The following AGBL1 variants were observed in gnomAD, a reference collection of about 807,000 sequenced individuals.
The protein encoded by AGBL1 is AGBL carboxypeptidase 1.
In AGBL1, 130 loss-of-function variants were observed where a neutral mutation model predicts 118.9. The observed-to-expected ratio is 1.09, with a 90% CI of 0.95 to 1.26. The LOEUF is 1.26. AGBL1 is among the 50% of genes most tolerant of loss of function. AGBL1 has a pLI of 0.00. For synonymous variants in AGBL1, 555 were observed against 478.9 expected (o/e 1.16, Z -2.08); for missense variants, 1,584 against 1,298.1 (o/e 1.22, Z -3.38).
chr15:87,000,416 G>T (rs2081424129), intron 24 of AGBL1, among the ~76,000 whole-genome samples: 1 of 130,920 alleles, frequency 7.6e-6, no homozygotes, highest in Non-Finnish European at 1.6e-5. Flanking sequence ...AAGGTGTAAG[G>T]AAGGGATCCA....
intron 21 of AGBL1, among the ~76,000 whole-genome samples, chr15:86,565,186 C>A (rs1315041301): frequency 6.6e-6 from 1 of 152,236 alleles, no homozygotes; most frequent in African/African-American, 2.4e-5. Flanking sequence ...AGCTGCGTTC[C>A]TTTGGAGGGG....
intron 24 of AGBL1, among the ~76,000 whole-genome samples, chr15:87,013,383 T>C (rs1270834756): frequency 6.6e-6 from 1 of 152,210 alleles, no homozygotes; most frequent in Admixed American, 6.5e-5. Context: ...GCTTTAAAGC[T>C]GTGTGCTCAC....
intron 21 of AGBL1, among the ~76,000 whole-genome samples, chr15:86,672,748 A>G (rs980867359): frequency 6.6e-6 from 1 of 152,188 alleles, no homozygotes; most frequent in Non-Finnish European, 1.5e-5. Context: ...TTAAGAAAAA[A>G]ACAACTTGTT....
At position 86,526,573 on chromosome 15, in the gene AGBL1, T is replaced by TATATATACAC. The variant is rs1415307184; in HGVS notation, c.2685+3635_2685+3636insTATATACACA. On this transcript the variant is annotated intron_variant, in intron 19 of 22. Transcript: ENST00000614907. ...ATATATATATATATATATATATATATACACACAGAGTATATATATGTATAT... is the reference window on the plus strand; with the variant it reads ...ATATATATATATATATATATATATATATATATACACACACACAGAGTATATATATGTATAT... Among the ~76,000 whole-genome samples, 59 of 117,600 alleles carry TATATATACAC rather than the reference T, an allele frequency of 5.0e-4. No homozygotes were observed. In the East Asian group the frequency reaches 0.011, roughly 23 times the overall value. 77.2% of individuals were successfully genotyped at this position (117,600 alleles called of 152,430 possible).
At chr15:86,223,947 A>T (rs568216435) in intron 5 of AGBL1, among the ~76,000 whole-genome samples, 2 of 152,218 alleles carry the variant, frequency 1.3e-5, no homozygotes, top group South Asian at 2.1e-4. Flanking sequence ...AGAACAACAG[A>T]TGGGGAGGAA....
At chr15:86,724,340 G>C (rs1022500455) in intron 22 of AGBL1, among the ~76,000 whole-genome samples, 1 of 152,046 alleles carries the variant, frequency 6.6e-6, no homozygotes, top group Non-Finnish European at 1.5e-5. Flanking sequence ...GAATAGAGGG[G>C]CCAGAATGTT....
intron 1 of AGBL1, among the ~76,000 whole-genome samples, chr15:86,089,967 G>A (rs1275445023): frequency 1.3e-5 from 2 of 152,154 alleles, no homozygotes; most frequent in Non-Finnish European, 2.9e-5. Flanking sequence ...GAAGAAAAAT[G>A]GGCATTACAA....
At chr15:86,986,408 T>G (rs2081282747) in intron 23 of AGBL1, among the ~76,000 whole-genome samples, 1 of 152,234 alleles carries the variant, frequency 6.6e-6, no homozygotes, top group Non-Finnish European at 1.5e-5. Flanking sequence ...TACCGTACTT[T>G]CTTAATTACT....
chr15:86,947,936 A>G (rs1401393791), intron 23 of AGBL1, among the ~76,000 whole-genome samples: 2 of 152,196 alleles, frequency 1.3e-5, no homozygotes, highest in Non-Finnish European at 2.9e-5. Context: ...GAGAAACATT[A>G]ATTATCTGCT....
intron 17 of AGBL1, among the ~76,000 whole-genome samples, chr15:86,305,285 G>A (rs1427702382): frequency 6.6e-6 from 1 of 152,098 alleles, no homozygotes; most frequent in Non-Finnish European, 1.5e-5. Flanking sequence ...TATTGTTCAT[G>A]GATATTTACA....
chr15:86,139,475 C>T lies in AGBL1; in HGVS notation c.52-2529C>T, dbSNP rs77161507. 1.1e-4 allele frequency among the ~76,000 whole-genome samples: 17 copies of T among 152,240 alleles called. No individual in the cohort carries two copies. In the East Asian group the frequency reaches 1.2e-3, roughly 10 times the overall value. The stretch of plus-strand genomic sequence containing the variant: ...ATTTTAGTGGATTTCTGTTTCTTGC[C>T]TCTGTGCTGTATTGAAAAATAAGCC... On this transcript the variant is annotated intron_variant, in intron 1 of 22. Coordinates refer to ENST00000614907, the MANE Select transcript of AGBL1 (RefSeq NM_001386094.1).
chr15:86,282,456 A>G (rs2079370655), intron 16 of AGBL1, among the ~76,000 whole-genome samples: 1 of 152,198 alleles, frequency 6.6e-6, no homozygotes, highest in Admixed American at 6.5e-5. Flanking sequence ...GTGGAGAGTT[A>G]ATGAGAAAGA....
intron 22 of AGBL1, among the ~76,000 whole-genome samples, chr15:86,736,117 T>C (rs936064277): frequency 6.6e-6 from 1 of 152,126 alleles, no homozygotes; most frequent in African/African-American, 2.4e-5. Flanking sequence ...GCATGGTGAC[T>C]CTCGCCTATA....
chr15:86,854,013 A>G (rs545054631), intron 22 of AGBL1, among the ~76,000 whole-genome samples: 1 of 152,244 alleles, frequency 6.6e-6, no homozygotes, highest in East Asian at 1.9e-4. Flanking sequence ...TTTTTTTTTA[A>G]ATATGCAGAA....
intron 21 of AGBL1, among the ~76,000 whole-genome samples, chr15:86,652,008 T>C (rs2085379290): frequency 1.3e-5 from 2 of 152,160 alleles, no homozygotes; most frequent in Admixed American, 6.6e-5. Flanking sequence ...TGGACTCTAC[T>C]GGATGCTCAG....
intron 21 of AGBL1, among the ~76,000 whole-genome samples, chr15:86,572,358 C>T (rs1470068637): frequency 1.3e-5 from 2 of 152,194 alleles, no homozygotes; most frequent in African/African-American, 2.4e-5. Context: ...GCCCAGACCA[C>T]ACCTCCTTGC....
intron 24 of AGBL1, among the ~76,000 whole-genome samples, chr15:87,003,982 C>T (rs1446893505): frequency 6.6e-6 from 1 of 151,994 alleles, no homozygotes; most frequent in African/African-American, 2.4e-5. Flanking sequence ...CTGCTCTGAT[C>T]TTAGTTATTT....
chr15:86,546,089 T>C lies in AGBL1; in HGVS notation c.2773T>C (p.Cys925Arg). Residue 925 changes from cysteine to arginine, a missense_variant, in exon 20 of 23, where the codon TGC becomes CGC. Coordinates refer to ENST00000614907, the MANE Select transcript of AGBL1 (RefSeq NM_001386094.1). The part of the protein sequence containing the change: ...SIKETLWQAA[C>R]TVGTSTILEE... ...CAAGGAAACCTTGTGGCAAGCAGCATGCACTGTGGGCACATCTACTATCCT... is the reference window on the plus strand; with the variant it reads ...CAAGGAAACCTTGTGGCAAGCAGCACGCACTGTGGGCACATCTACTATCCT... The C allele has an allele frequency of 6.2e-7, 1 of 1,613,520 alleles. No individual in the cohort carries two copies. The highest frequency in any genetic ancestry group is 8.5e-7 in the Non-Finnish European group (1 of 1,179,604).
At chr15:86,467,141 C>A (rs561270655) in intron 18 of AGBL1, among the ~76,000 whole-genome samples, 2 of 152,346 alleles carry the variant, frequency 1.3e-5, no homozygotes, top group Non-Finnish European at 2.9e-5. Flanking sequence ...TTGACTGGGG[C>A]TGCTGCCTTT....
Sources: allele counts gnomAD v4.1 joint callset (sites outside exome capture counted in the v4.1 genomes callset), GRCh38; gene constraint gnomAD v4.1.1; transcripts MANE v1.5; gene names NCBI Gene and HGNC (gene_info 2026-07-23, HGNC 2026-07-21).